The following ATP6AP2 variants were observed in gnomAD, a reference collection of about 807,000 sequenced individuals.
ATP6AP2 encodes ATPase H+ transporting accessory protein 2.
Under a neutral mutation model 23.4 loss-of-function variants are expected in ATP6AP2, and 1 was observed. That is an observed-to-expected ratio of 0.04 (90% CI 0.02 to 0.20). The LOEUF is 0.20. Ranked by LOEUF, ATP6AP2 falls within the 10% of genes least tolerant of loss-of-function variation. The pLI is 1.00. For synonymous variants in ATP6AP2, 90 were observed against 97.1 expected (o/e 0.93, Z 0.43); for missense variants, 174 against 271.3 (o/e 0.64, Z 2.52).
In ATP6AP2 at chrX:40,584,112, C is replaced by T. The variant is rs189330714; in HGVS notation, c.37+3010C>T. 2.7e-3 allele frequency among the ~76,000 whole-genome samples: 298 copies of T among 111,468 alleles called. 1 individual carries two copies. The highest frequency in any genetic ancestry group is 4.6e-3 in the Non-Finnish European group (242 of 53,007). ...TTGTTTTTGAGACAGGGTCTCACTC[C>T]GTCACCCAGGCTGGAGTGCACTGGT... On this transcript the variant is annotated intron_variant, in intron 1 of 8. Coordinates refer to ENST00000636580, the MANE Select transcript of ATP6AP2 (RefSeq NM_005765.3).
chrX:40,590,710 T>C lies in ATP6AP2; in HGVS notation c.169-524T>C, dbSNP rs144994091. ...TCTTTACAACCTTAAACTTGACTACTGATGGCTATTAAAATAACTGAGAAA... is the reference window on the plus strand; with the variant it reads ...TCTTTACAACCTTAAACTTGACTACCGATGGCTATTAAAATAACTGAGAAA... On this transcript the variant is annotated intron_variant, in intron 2 of 8. Transcript: ENST00000636580. The C allele has an allele frequency of 9.1e-3, 1,113 of 122,387 alleles. 12 individuals carry two copies. The highest frequency in any genetic ancestry group is 0.034 in the African/African-American group (1,054 of 30,889). 10.1% of individuals were successfully genotyped at this position (122,387 alleles called of 1,213,427 possible).
intron 1 of ATP6AP2, among the ~76,000 whole-genome samples, chrX:40,588,527 C>G (rs1410754116): frequency 9.0e-6 from 1 of 111,000 alleles, no homozygotes; most frequent in Non-Finnish European, 1.9e-5. Flanking sequence ...AAGCTTCTTC[C>G]TTTTTAGTCT....
chrX:40,582,584 T>G (rs776551594), intron 1 of ATP6AP2, among the ~76,000 whole-genome samples: 1 of 112,176 alleles, frequency 8.9e-6, no homozygotes, highest in East Asian at 2.8e-4. Context: ...TAATGATAGT[T>G]ACGTTGTATC....
chrX:40,600,948 A>T, intron 8 of ATP6AP2, 67 bp downstream of exon 8: 8 of 865,323 alleles, frequency 9.2e-6, no homozygotes, highest in Non-Finnish European at 3.3e-6. Context: ...AAAAAAACCA[A>T]GTCCTATATC....
At chrX:40,599,032 C>T (rs1249688604) in intron 6 of ATP6AP2, 65 of 329,817 alleles carry the variant, frequency 2.0e-4, no homozygotes, top group Non-Finnish European at 3.7e-5. Flanking sequence ...AGACTTAATT[C>T]CTATCTATAT....
At chrX:40,599,833 T>A (rs73463376) in intron 7 of ATP6AP2, 92 bp downstream of exon 7, 1 of 1,094,329 alleles carries the variant, frequency 9.1e-7, no homozygotes, top group African/African-American at 1.8e-5. Flanking sequence ...CACTGTTGAT[T>A]GAACTCTTAT....
chrX:40,593,060 C>T (rs866125854), intron 3 of ATP6AP2, among the ~76,000 whole-genome samples: 1 of 111,760 alleles, frequency 8.9e-6, no homozygotes, highest in South Asian at 3.7e-4. Context: ...CCAGCCTGGC[C>T]AACATGGCTA....
intron 3 of ATP6AP2, among the ~76,000 whole-genome samples, chrX:40,595,416 T>C (rs1051859442): frequency 2.7e-5 from 3 of 112,622 alleles, no homozygotes; most frequent in African/African-American, 9.7e-5. Context: ...AGGACAGATA[T>C]GCATCTCCCT....
rs745908628 is a variant in ATP6AP2 at position 40,580,975 on chromosome X, C to A, written c.-91C>A. The A allele has an allele frequency of 4.6e-6, 5 of 1,089,891 alleles. No individual in the cohort carries two copies. The African/African-American group carries it at 5.5e-5, about 12-fold the overall frequency. The allele number at this position is 1,089,891 out of a possible 1,213,427, so 89.8% of individuals were successfully genotyped here. On this transcript the variant is annotated 5_prime_UTR_variant, in exon 1 of 9. Transcript: ENST00000636580. The stretch of plus-strand genomic sequence containing the variant: ...CGGGACCCGGGAGCCTGGACGAGTC[C>A]GAGCGCGTCACCTCCTCACGCTGCG...
chrX:40,602,045 G>GCAGACAAATCGC (rs1310307451), intron 8 of ATP6AP2, among the ~76,000 whole-genome samples: 19 of 90,385 alleles, frequency 2.1e-4, no homozygotes, highest in African/African-American at 1.1e-3. Flanking sequence ...ACTTTGGGAG[G>GCAGACAAATCGC]TTGAGGCGGG....
At position 40,588,953 on chromosome X, in the gene ATP6AP2, G is replaced by A. The variant is rs973692736; in HGVS notation, c.38-33G>A. ...GTCAAGGTAAATGATTTATGATGTTGATAATTCATTTACTGATCTGTTTTC... is the reference window on the plus strand; with the variant it reads ...GTCAAGGTAAATGATTTATGATGTTAATAATTCATTTACTGATCTGTTTTC... On this transcript the variant is annotated intron_variant, in intron 1 of 8. Transcript: ENST00000636580. The A allele has an allele frequency of 5.9e-6, 7 of 1,185,588 alleles. No homozygotes were observed. The African/African-American group carries it at 8.8e-5, about 15-fold the overall frequency.
chrX:40,600,759 C>G lies in ATP6AP2; in HGVS notation c.739-3C>G. ...CCCAATAATGTTAATAACTAACTTTCAGTTTGCAGATGACATGTACAGTCT... is the reference window on the plus strand; with the variant it reads ...CCCAATAATGTTAATAACTAACTTTGAGTTTGCAGATGACATGTACAGTCT... On this transcript the variant is annotated splice_polypyrimidine_tract_variant and splice_region_variant and intron_variant, in intron 7 of 8. Coordinates refer to ENST00000636580, the MANE Select transcript of ATP6AP2 (RefSeq NM_005765.3). 1.7e-6 allele frequency: 2 copies of G among 1,201,822 alleles called. No homozygotes were observed. Among genetic ancestry groups the G allele is most frequent in the Non-Finnish European group, 2.2e-6 (2 of 890,431 alleles).
intron 8 of ATP6AP2, 75 bp downstream of exon 8, chrX:40,600,956 A>G: frequency 9.9e-7 from 1 of 1,009,508 alleles, no homozygotes; most frequent in Non-Finnish European, 1.4e-6. Flanking sequence ...CAAGTCCTAT[A>G]TCACCTAAGG....
Position 40,600,828 on chromosome X carries a change from T to C in ATP6AP2, c.805T>C (p.Phe269Leu). The C allele has an allele frequency of 8.3e-7, 1 of 1,206,004 alleles. No homozygotes were observed. The highest frequency in any genetic ancestry group is 1.7e-5 in the African/African-American group (1 of 57,605). The change falls in exon 8 of 9, where the codon TTT (phenylalanine) becomes CTT (leucine). Residue 269 changes from phenylalanine to leucine, a missense_variant. Phe to Leu is a conservative substitution (Grantham distance 22, BLOSUM62 0). Transcript: ENST00000636580. The part of the protein sequence containing the change: ...AVVELVTVKS[F>L]DTSLIRKTRT... The stretch of plus-strand genomic sequence containing the variant: ...GGTAGAGTTAGTCACTGTCAAGTCA[T>C]TTGACACCTCCCTCATTAGGAAGAC...
Position 40,597,273 on chromosome X carries a change from G to C in ATP6AP2, c.325G>C (p.Val109Leu), listed in dbSNP as rs1416764615. The change falls in exon 4 of 9, where the codon GTT becomes CTT. Residue 109 changes from valine (V) to leucine (L), a missense_variant. By Grantham distance (32) the Val-to-Leu change is conservative. Coordinates refer to ENST00000636580, the MANE Select transcript of ATP6AP2 (RefSeq NM_005765.3). ...GGCAGTTCCTTTTAGTCTTGACAGT[G>C]TTGCAAATTCCATTCACTCCTTATT... is the stretch of plus-strand genomic sequence containing the variant. ...ENAVPFSLDSVANSIHSLFSE... is the reference protein window; with the variant it reads ...ENAVPFSLDSLANSIHSLFSE... 5 of 1,207,797 alleles carry C rather than the reference G, an allele frequency of 4.1e-6. No homozygotes were observed. Among genetic ancestry groups the C allele is most frequent in the Non-Finnish European group, 4.5e-6 (4 of 891,904 alleles).
chrX:40,590,124 A>G (rs1298352427), intron 2 of ATP6AP2: 1 of 110,859 alleles, frequency 9.0e-6, no homozygotes, highest in African/African-American at 3.3e-5. Flanking sequence ...TGCAGCCTCA[A>G]ACTCCAGGGC....
intron 2 of ATP6AP2, 75 bp from the exon 3 acceptor site, chrX:40,591,159 G>T (rs778776647): frequency 1.8e-4 from 208 of 1,163,083 alleles, no homozygotes; most frequent in Non-Finnish European, 1.5e-4. Context: ...CCTTAACTCT[G>T]CTTATTAGAT....
intron 8 of ATP6AP2, 152 bp from the exon 9 acceptor site, chrX:40,605,409 G>T (rs1270282786): frequency 2.0e-6 from 1 of 501,828 alleles, no homozygotes; most frequent in Non-Finnish European, 3.4e-6. Context: ...CTCCACAAAG[G>T]CGCTCCTTCT....
chrX:40,581,083 G>A lies in ATP6AP2; in HGVS notation c.18G>A (p.Val6=). The A allele has an allele frequency of 8.6e-7, 1 of 1,163,996 alleles. No individual in the cohort carries two copies. The highest frequency in any genetic ancestry group is 1.1e-6 in the Non-Finnish European group (1 of 871,879). Residue 6 remains valine (V), a synonymous_variant, in exon 1 of 9, where the codon GTG becomes GTA. Transcript: ENST00000636580. ...GCGGCACCATGGCTGTGTTTGTCGTGCTCCTGGCGTTGGTGGCGGGTGAGG... is the reference window on the plus strand; with the variant it reads ...GCGGCACCATGGCTGTGTTTGTCGTACTCCTGGCGTTGGTGGCGGGTGAGG... The part of the protein sequence containing the change: MAVFV[V]LLALVAGVLG...
Sources: allele counts gnomAD v4.1 joint callset (sites outside exome capture counted in the v4.1 genomes callset), GRCh38; gene constraint gnomAD v4.1.1; transcripts MANE v1.5; gene names NCBI Gene and HGNC (gene_info 2026-07-23, HGNC 2026-07-21).